The following TMPRSS15 variants were observed in gnomAD, a reference collection of about 807,000 sequenced individuals.
TMPRSS15 encodes the protein enteropeptidase.
TMPRSS15 carries 128 observed loss-of-function variants against 125.3 expected under a neutral mutation model. That is an observed-to-expected ratio of 1.02 (90% CI 0.89 to 1.18). The LOEUF (loss-of-function observed/expected upper bound fraction) is 1.18. TMPRSS15 is among the 50% of genes most tolerant of loss of function. The pLI is 0.00. For synonymous variants in TMPRSS15, 446 were observed against 423.2 expected, an observed-to-expected ratio of 1.05 and a Z score of -0.66; for missense variants, 1,283 against 1,212.7, an observed-to-expected ratio of 1.06 and a Z score of -0.86.
chr21:18,303,614 C>G (rs568011630), intron 18 of TMPRSS15, among the ~76,000 whole-genome samples: 6 of 152,090 alleles, frequency 3.9e-5, no homozygotes, highest in Non-Finnish European at 7.4e-5. Context: ...TAGAAACCTC[C>G]TCTTTTCCAA....
At chr21:18,451,623 C>G (rs1364879036) in intron 1 of TMPRSS15, among the ~76,000 whole-genome samples, 2 of 152,156 alleles carry the variant, frequency 1.3e-5, no homozygotes, top group African/African-American at 4.8e-5. Flanking sequence ...TTGTCTTTCT[C>G]TCTACAATTT....
At chr21:18,281,257 C>T (rs1336825659) in intron 21 of TMPRSS15, 36 bp from the exon 22 acceptor site, 7 of 1,568,548 alleles carry the variant, frequency 4.5e-6, no homozygotes, top group Non-Finnish European at 6.1e-6. Flanking sequence ...AGACACTCTC[C>T]ATCCAAAGCA....
intron 1 of TMPRSS15, among the ~76,000 whole-genome samples, chr21:18,422,237 C>G (rs2076193792): frequency 6.6e-6 from 1 of 152,138 alleles, no homozygotes; most frequent in African/African-American, 2.4e-5. Context: ...CCACCCTCCT[C>G]AGCTTCCCAA....
At chr21:18,363,460 T>C (rs1340932165) in intron 7 of TMPRSS15, among the ~76,000 whole-genome samples, 1 of 152,130 alleles carries the variant, frequency 6.6e-6, no homozygotes, top group African/African-American at 2.4e-5. Flanking sequence ...GTGACCTGTC[T>C]TTATTAAGAA....
intron 1 of TMPRSS15, among the ~76,000 whole-genome samples, chr21:18,466,031 C>T (rs1978652972): frequency 6.6e-6 from 1 of 152,096 alleles, no homozygotes. Flanking sequence ...GCTACAGTAA[C>T]CAAAATAGCA....
chr21:18,389,206 AAAG>A (rs1007954384), intron 3 of TMPRSS15, among the ~76,000 whole-genome samples: 10 of 151,384 alleles, frequency 6.6e-5, no homozygotes, highest in African/African-American at 2.4e-4. Context: ...GAAAGAAAGA[AAAG>A]AAAAAAAGAA....
intron 3 of TMPRSS15, among the ~76,000 whole-genome samples, chr21:18,390,071 C>T (rs892147847): frequency 1.3e-4 from 20 of 152,178 alleles, no homozygotes; most frequent in East Asian, 5.8e-4. Flanking sequence ...CAACATGCTA[C>T]GTTATTTTTT....
chr21:18,389,800 G>C (rs1215176610), intron 3 of TMPRSS15, among the ~76,000 whole-genome samples: 2 of 152,058 alleles, frequency 1.3e-5, no homozygotes, highest in Admixed American at 1.3e-4. Context: ...TAAGGATTCT[G>C]TTACTGATGT....
chr21:18,455,213 A>C (rs1280724657), intron 1 of TMPRSS15, among the ~76,000 whole-genome samples: 1 of 152,172 alleles, frequency 6.6e-6, no homozygotes, highest in Non-Finnish European at 1.5e-5. Flanking sequence ...ACTATTAGTC[A>C]ATTAAACCTC....
intron 1 of TMPRSS15, among the ~76,000 whole-genome samples, chr21:18,483,279 T>G (rs1415421690): frequency 6.6e-6 from 1 of 151,856 alleles, no homozygotes; most frequent in Non-Finnish European, 1.5e-5. Flanking sequence ...GGCATCGGTA[T>G]CCTTTCCTTG....
At chr21:18,474,241 A>C (rs1978833665) in intron 1 of TMPRSS15, among the ~76,000 whole-genome samples, 1 of 151,978 alleles carries the variant, frequency 6.6e-6, no homozygotes, top group South Asian at 2.1e-4. Context: ...AGCCAGAGAG[A>C]TACATATAGG....
rs557178507 is a variant in TMPRSS15 at position 18,419,856 on chromosome 21, C to T, written c.11-21527G>A. On this transcript the variant is annotated intron_variant, in intron 1 of 7. Coordinates refer to the TMPRSS15 transcript ENST00000422787. ...TGTGATTGGTTATGTCTTTTTTCCCCCTTCTACCATGAGAAAAGTAATTTC... is the reference window on the plus strand; with the variant it reads ...TGTGATTGGTTATGTCTTTTTTCCCTCTTCTACCATGAGAAAAGTAATTTC... 1.6e-4 allele frequency among the ~76,000 whole-genome samples: 24 copies of T among 152,184 alleles called. No homozygotes were observed. The South Asian group carries it at 5.0e-3, about 32-fold the overall frequency.
chr21:18,320,934 T>A (rs1369957897), intron 16 of TMPRSS15, among the ~76,000 whole-genome samples: 1 of 152,184 alleles, frequency 6.6e-6, no homozygotes, highest in African/African-American at 2.4e-5. Context: ...AATTTCCCCA[T>A]CTCCTTTTTA....
chr21:18,294,687 T>C (rs1601288429), intron 19 of TMPRSS15, 35 bp from the exon 20 acceptor site: 4 of 1,575,630 alleles, frequency 2.5e-6, no homozygotes, highest in Non-Finnish European at 3.5e-6. Context: ...TTTAAAATTA[T>C]GCATTTAATA....
chr21:18,280,575 C>CAAAAAAAAAAAAAAAAAAAAAA (rs1230513414), intron 22 of TMPRSS15, among the ~76,000 whole-genome samples: 25 of 48,328 alleles, frequency 5.2e-4, no homozygotes, highest in African/African-American at 1.9e-3. Context: ...GACTCCGTCT[C>CAAAAAAAAAAAAAAAAAAAAAA]AAAAAAAAAA....
intron 5 of TMPRSS15, among the ~76,000 whole-genome samples, chr21:18,378,613 G>A (rs546677824): frequency 5.9e-5 from 9 of 152,126 alleles, no homozygotes; most frequent in Non-Finnish European, 1.3e-4. Context: ...TAGTGATATT[G>A]TTGGGAGCTG....
chr21:18,485,552 A>G (rs1410069039), intron 1 of TMPRSS15, among the ~76,000 whole-genome samples: 2 of 152,154 alleles, frequency 1.3e-5, no homozygotes, highest in East Asian at 3.9e-4. Context: ...ATGTATAGTT[A>G]CAAAATTTTT....
At chr21:18,334,040 A>T (rs986488495) in intron 13 of TMPRSS15, among the ~76,000 whole-genome samples, 7 of 152,188 alleles carry the variant, frequency 4.6e-5, no homozygotes, top group African/African-American at 1.7e-4. Context: ...ATAAACTAGA[A>T]ATCAGATTTT....
At chr21:18,387,826 T>C in intron 3 of TMPRSS15, among the ~76,000 whole-genome samples, 1 of 152,104 alleles carries the variant, frequency 6.6e-6, no homozygotes, top group Non-Finnish European at 1.5e-5. Context: ...TGTAAATAGG[T>C]ATTTTAAAGG....
Sources: allele counts gnomAD v4.1 joint callset (sites outside exome capture counted in the v4.1 genomes callset), GRCh38; gene constraint gnomAD v4.1.1; transcripts MANE v1.5; gene names NCBI Gene and HGNC (gene_info 2026-07-23, HGNC 2026-07-21).